The following ANKRD13C variants were observed in gnomAD, a reference collection of about 807,000 sequenced individuals.
ANKRD13C encodes the protein ankyrin repeat domain 13C.
In ANKRD13C, 16 loss-of-function variants were observed where a neutral mutation model predicts 65.5. The ratio of observed to expected loss-of-function variants is 0.24; its 90% confidence interval spans 0.17 to 0.37. The LOEUF is 0.37. ANKRD13C is among the 10% of genes least tolerant of loss of function. The pLI, the probability that ANKRD13C is intolerant of heterozygous loss-of-function variation, is 1.00. For missense variants in ANKRD13C, 503 were observed against 655.9 expected (o/e 0.77, Z 2.55); for synonymous variants, 235 against 238.7 (o/e 0.98, Z 0.14).
intron 2 of ANKRD13C, among the ~76,000 whole-genome samples, chr1:70,333,017 A>G (rs904250244): frequency 5.3e-5 from 8 of 152,188 alleles, no homozygotes; most frequent in African/African-American, 1.9e-4. Flanking sequence ...ATGTTGGCCA[A>G]CTTTGATACA....
At chr1:70,342,660 T>G (rs769085644) in intron 1 of ANKRD13C, among the ~76,000 whole-genome samples, 1 of 151,944 alleles carries the variant, frequency 6.6e-6, no homozygotes, top group Non-Finnish European at 1.5e-5. Flanking sequence ...ATAGTTCCCT[T>G]TCTTCACTTC....
intron 9 of ANKRD13C, among the ~76,000 whole-genome samples, chr1:70,283,631 A>G (rs1424652872): frequency 6.6e-6 from 1 of 152,034 alleles, no homozygotes; most frequent in African/African-American, 2.4e-5. Flanking sequence ...CCTGACCAAC[A>G]TGATGAAACC....
At chr1:70,271,620 A>G (rs1279280424) in intron 11 of ANKRD13C, among the ~76,000 whole-genome samples, 1 of 152,014 alleles carries the variant, frequency 6.6e-6, no homozygotes, top group Admixed American at 6.6e-5. Flanking sequence ...ATAAGTAAAG[A>G]CATATGAAAA....
At position 70,275,057 on chromosome 1, in the gene ANKRD13C, T is replaced by C. The variant is rs138099782; in HGVS notation, c.1296-239A>G. Among the ~76,000 whole-genome samples the C allele has an allele frequency of 6.9e-3, 1,051 of 152,324 alleles. 7 individuals carry two copies. The highest frequency in any genetic ancestry group is 0.011 in the Non-Finnish European group (741 of 68,028). On this transcript the variant is annotated intron_variant, in intron 10 of 12. Transcript: ENST00000370944. ...TTATTAGATCTAAACTAATTTCACA[T>C]TGAATATAATTTTAATAACCACTAT...
At chr1:70,338,194 AC>A (rs1193138927) in intron 1 of ANKRD13C, among the ~76,000 whole-genome samples, 1 of 152,176 alleles carries the variant, frequency 6.6e-6, no homozygotes, top group Non-Finnish European at 1.5e-5. Flanking sequence ...GAAATTGCAT[AC>A]CTATCTCATG....
intron 2 of ANKRD13C, among the ~76,000 whole-genome samples, chr1:70,330,024 A>G (rs1053580593): frequency 6.7e-6 from 1 of 148,592 alleles, no homozygotes; most frequent in Non-Finnish European, 1.5e-5. Flanking sequence ...CAGGGAGCAG[A>G]GATTGCAGTG....
At chr1:70,269,631 C>T (rs903526885) in intron 12 of ANKRD13C, among the ~76,000 whole-genome samples, 3 of 151,746 alleles carry the variant, frequency 2.0e-5, no homozygotes, top group Non-Finnish European at 4.4e-5. Flanking sequence ...GATCTTATCA[C>T]TGATTTCTCC....
At chr1:70,304,468 C>A (rs952779905) in intron 6 of ANKRD13C, among the ~76,000 whole-genome samples, 1 of 151,984 alleles carries the variant, frequency 6.6e-6, no homozygotes, top group Non-Finnish European at 1.5e-5. Context: ...GTGATTACAG[C>A]TCACTGCAGC....
In ANKRD13C at chr1:70,354,025, G is replaced by C; in HGVS notation, c.384C>G (p.Leu128=). 1 of 1,564,766 alleles carries C rather than the reference G, an allele frequency of 6.4e-7. No homozygotes were observed. The highest frequency in any genetic ancestry group is 1.2e-5 in the South Asian group (1 of 82,708). The change falls in exon 1 of 13, where the codon CTC becomes CTG. Residue 128 remains leucine (L), a synonymous_variant. Coordinates refer to ENST00000370944, the MANE Select transcript of ANKRD13C (RefSeq NM_030816.5). Reference sequence around the variant, plus strand: ...TATTGTGCGTGCGGATGAGAGAGGAGAGTCTCCTCACATCCCCCTTGAAGA... The same window carrying C: ...TATTGTGCGTGCGGATGAGAGAGGACAGTCTCCTCACATCCCCCTTGAAGA... ...ECVFKGDVRR[L]SSLIRTHNIG...
chr1:70,349,275 A>G (rs1682650108), intron 1 of ANKRD13C, among the ~76,000 whole-genome samples: 1 of 152,184 alleles, frequency 6.6e-6, no homozygotes, highest in African/African-American at 2.4e-5. Flanking sequence ...ATTTTACACT[A>G]AAGAAAAAAG....
At chr1:70,324,053 G>A (rs1421086687) in intron 3 of ANKRD13C, among the ~76,000 whole-genome samples, 1 of 152,086 alleles carries the variant, frequency 6.6e-6, no homozygotes, top group Non-Finnish European at 1.5e-5. Flanking sequence ...GCACCCAGAA[G>A]AGCCCAAAAC....
chr1:70,314,364 G>A (rs554092947), intron 4 of ANKRD13C, among the ~76,000 whole-genome samples: 5 of 151,072 alleles, frequency 3.3e-5, no homozygotes, highest in South Asian at 4.2e-4. Flanking sequence ...GACTACAGGC[G>A]CCTGCCACCA....
intron 11 of ANKRD13C, among the ~76,000 whole-genome samples, chr1:70,274,489 A>G (rs1679043487): frequency 4.0e-5 from 6 of 148,608 alleles, no homozygotes; most frequent in African/African-American, 1.3e-4. Context: ...AAAAAAAAAA[A>G]AAAAAAAGAA....
At chr1:70,272,849 G>A (rs976801616) in intron 11 of ANKRD13C, among the ~76,000 whole-genome samples, 7 of 151,906 alleles carry the variant, frequency 4.6e-5, no homozygotes, top group Non-Finnish European at 7.4e-5. Context: ...TTATCCAGGC[G>A]TGGTAGCACA....
chr1:70,338,190 G>A (rs1682138914), intron 1 of ANKRD13C, among the ~76,000 whole-genome samples: 2 of 152,020 alleles, frequency 1.3e-5, no homozygotes, highest in Non-Finnish European at 2.9e-5. Context: ...CGTAGAAATT[G>A]CATACCTATC....
In ANKRD13C at chr1:70,292,376, T is replaced by G. The variant is rs1161815541; in HGVS notation, c.1215+12A>C. On this transcript the variant is annotated intron_variant, in intron 9 of 12. Coordinates refer to ENST00000370944, the MANE Select transcript of ANKRD13C (RefSeq NM_030816.5). Reference sequence around the variant, plus strand: ...TTAGAAAACTACAAATTAGAAGAATTAAAAATTATACCTCAAAATTCTGTT... The same window carrying G: ...TTAGAAAACTACAAATTAGAAGAATGAAAAATTATACCTCAAAATTCTGTT... 3 of 1,558,160 alleles carry G rather than the reference T, an allele frequency of 1.9e-6. No homozygotes were observed. Among genetic ancestry groups the G allele is most frequent in the African/African-American group, 1.4e-5 (1 of 71,800 alleles).
intron 9 of ANKRD13C, among the ~76,000 whole-genome samples, chr1:70,289,148 A>G: frequency 6.6e-6 from 1 of 152,190 alleles, no homozygotes; most frequent in Admixed American, 6.6e-5. Flanking sequence ...TGTTTCCTTT[A>G]ATTTCTGATT....
At chr1:70,297,909 C>CCT (rs1293516444) in intron 7 of ANKRD13C, among the ~76,000 whole-genome samples, 1 of 63,792 alleles carries the variant, frequency 1.6e-5, no homozygotes, top group African/African-American at 6.1e-5. Context: ...GAGAGAGACT[C>CCT]CATCTCAAAA....
At chr1:70,340,974 G>A (rs776136894) in intron 1 of ANKRD13C, among the ~76,000 whole-genome samples, 1 of 152,084 alleles carries the variant, frequency 6.6e-6, no homozygotes, top group Non-Finnish European at 1.5e-5. Context: ...AGCCAGGTGT[G>A]GTGGCGCACG....
Sources: gnomAD v4.1 joint callset for allele counts (sites outside exome capture counted in the v4.1 genomes callset) on GRCh38, gnomAD v4.1.1 for gene constraint, MANE v1.5 for transcripts, NCBI Gene and HGNC (gene_info 2026-07-23, HGNC 2026-07-21) for gene names.